The following ADAM10 variants were observed in gnomAD, a reference collection of about 807,000 sequenced individuals.
ADAM10 encodes ADAM metallopeptidase domain 10, also known as disintegrin and metalloproteinase domain-containing protein 10.
In ADAM10, 17 loss-of-function variants were observed where a neutral mutation model predicts 90.1. That is an observed-to-expected ratio of 0.19 (90% CI 0.13 to 0.28). ADAM10 has a LOEUF of 0.28. ADAM10 is among the 10% of genes least tolerant of loss of function. The probability of loss-of-function intolerance (pLI) is 1.00; values close to 1 mark genes in which losing one functional copy is unlikely to be tolerated. For synonymous variants in ADAM10, 310 were observed against 298.6 expected (o/e 1.04, Z -0.40); for missense variants, 610 against 914.3 (o/e 0.67, Z 4.29).
intron 11 of ADAM10, 24 bp downstream of exon 11, chr15:58,621,447 A>G: frequency 6.2e-7 from 1 of 1,613,866 alleles, no homozygotes; most frequent in Non-Finnish European, 8.5e-7. Context: ...AAGAATGTTA[A>G]CATCACTGAA....
At chr15:58,724,497 T>C (rs1474547323) in intron 1 of ADAM10, among the ~76,000 whole-genome samples, 3 of 152,194 alleles carry the variant, frequency 2.0e-5, no homozygotes, top group Non-Finnish European at 4.4e-5. Context: ...CTGGCCCAGC[T>C]TACTGCCTGT....
chr15:58,628,978 C>A (rs1896026157), intron 9 of ADAM10, among the ~76,000 whole-genome samples: 1 of 152,152 alleles, frequency 6.6e-6, no homozygotes, highest in Non-Finnish European at 1.5e-5. Context: ...CAGCATTTAG[C>A]AACTCTATAC....
chr15:58,736,209 C>T (rs1239499712), intron 1 of ADAM10, among the ~76,000 whole-genome samples: 1 of 152,112 alleles, frequency 6.6e-6, no homozygotes, highest in Non-Finnish European at 1.5e-5. Context: ...GCTATTATTC[C>T]TACATAAAAA....
chr15:58,617,264 C>T (rs753123818), intron 11 of ADAM10, among the ~76,000 whole-genome samples: 2 of 151,836 alleles, frequency 1.3e-5, no homozygotes, highest in South Asian at 4.1e-4. Context: ...ACTGATACCA[C>T]AAAAATACAA....
At chr15:58,642,820 T>A (rs2140689677) in intron 7 of ADAM10, among the ~76,000 whole-genome samples, 1 of 152,312 alleles carries the variant, frequency 6.6e-6, no homozygotes, top group East Asian at 1.9e-4. Context: ...GTTCACAGAA[T>A]ACATGAAAGC....
At chr15:58,746,256 A>T (rs1335367252) in intron 1 of ADAM10, among the ~76,000 whole-genome samples, 1 of 152,222 alleles carries the variant, frequency 6.6e-6, no homozygotes, top group Non-Finnish European at 1.5e-5. Flanking sequence ...TTAGACACAC[A>T]AAAGGCATCA....
chr15:58,686,851 T>A (rs1253072508), intron 2 of ADAM10, among the ~76,000 whole-genome samples: 3 of 152,178 alleles, frequency 2.0e-5, no homozygotes, highest in Non-Finnish European at 4.4e-5. Flanking sequence ...GTGCAAGTAC[T>A]TTTATACATA....
At chr15:58,724,143 C>T (rs1422878941) in intron 1 of ADAM10, among the ~76,000 whole-genome samples, 22 of 151,202 alleles carry the variant, frequency 1.5e-4, no homozygotes, top group Admixed American at 1.3e-3. Context: ...TGCCATTGCA[C>T]TCCAGCCTAG....
At chr15:58,712,997 CTACT>C (rs1445010333) in intron 2 of ADAM10, among the ~76,000 whole-genome samples, 1 of 152,170 alleles carries the variant, frequency 6.6e-6, no homozygotes, top group Non-Finnish European at 1.5e-5. Flanking sequence ...AATCTGCTTA[CTACT>C]TAGTCATTAA....
At chr15:58,702,358 T>A (rs1322134438) in intron 2 of ADAM10, among the ~76,000 whole-genome samples, 1 of 151,998 alleles carries the variant, frequency 6.6e-6, no homozygotes, top group Non-Finnish European at 1.5e-5. Flanking sequence ...AACATACAAT[T>A]AGATCGAAGT....
intron 1 of ADAM10, among the ~76,000 whole-genome samples, chr15:58,745,514 C>T (rs1285401444): frequency 2.0e-5 from 3 of 152,020 alleles, no homozygotes; most frequent in Non-Finnish European, 4.4e-5. Flanking sequence ...ATTATGAAAA[C>T]GGGTTTTTTT....
chr15:58,666,566 T>A (rs1241476786), intron 4 of ADAM10, among the ~76,000 whole-genome samples: 1 of 151,976 alleles, frequency 6.6e-6, no homozygotes, highest in Non-Finnish European at 1.5e-5. Context: ...TGCAAAATGA[T>A]CTTAATAATC....
chr15:58,620,660 A>ATTT lies in ADAM10; in HGVS notation c.1511+808_1511+810dup, dbSNP rs570842513. On this transcript the variant is annotated intron_variant, in intron 11 of 15. Transcript: ENST00000260408. ...CACAATAAGTAACTAAAGAATATGT[A>ATTT]TTTTTTTTTTTTTTTTTTTGAGACG... Among the ~76,000 whole-genome samples, 41 of 59,408 alleles carry ATTT rather than the reference A, an allele frequency of 6.9e-4. 6 individuals carry two copies. In the South Asian group the frequency reaches 8.1e-3, roughly 12 times the overall value. The allele number at this position is 59,408 out of a possible 152,430, so 39.0% of individuals were successfully genotyped here.
chr15:58,613,246 A>G (rs113061259), intron 11 of ADAM10, among the ~76,000 whole-genome samples: 3,796 of 152,326 alleles, frequency 0.025, 76 homozygotes, highest in Middle Eastern at 0.051. Context: ...CCTACCTGGA[A>G]AAAGAAGCAC....
intron 1 of ADAM10, 77 bp from the exon 2 acceptor site, chr15:58,717,804 T>A (rs1179312343): frequency 6.5e-7 from 1 of 1,547,104 alleles, no homozygotes; most frequent in Non-Finnish European, 8.7e-7. Context: ...TATTCAAGTA[T>A]CTATGAATAT....
At chr15:58,603,438 TA>T (rs1566963874) in intron 14 of ADAM10, among the ~76,000 whole-genome samples, 1 of 152,182 alleles carries the variant, frequency 6.6e-6, no homozygotes, top group Non-Finnish European at 1.5e-5. Context: ...GTAACACCTC[TA>T]ATGTGAGCCA....
intron 2 of ADAM10, among the ~76,000 whole-genome samples, chr15:58,714,292 T>TACACACACACACACACACACAC (rs71116591): frequency 1.4e-5 from 2 of 142,912 alleles, no homozygotes; most frequent in African/African-American, 5.2e-5. Flanking sequence ...TACATACACA[T>TACACACACACACACACACACAC]ACACACACAC....
At chr15:58,618,299 T>A (rs1030790033) in intron 11 of ADAM10, among the ~76,000 whole-genome samples, 1 of 152,268 alleles carries the variant, frequency 6.6e-6, no homozygotes, top group East Asian at 1.9e-4. Context: ...TAAGTGGTGA[T>A]GGGAAAACTG....
chr15:58,686,434 C>A, intron 2 of ADAM10: 1 of 1,350,490 alleles, frequency 7.4e-7, no homozygotes, highest in Non-Finnish European at 1.0e-6. Flanking sequence ...CTAGCGCGAG[C>A]GCCCTGCAGT....
Sources: gnomAD v4.1 joint callset for allele counts (sites outside exome capture counted in the v4.1 genomes callset) on GRCh38, gnomAD v4.1.1 for gene constraint, MANE v1.5 for transcripts, NCBI Gene and HGNC (gene_info 2026-07-23, HGNC 2026-07-21) for gene names.